RANBP2: variants seen among roughly 807,000 people sequenced by gnomAD.
RANBP2 encodes the protein E3 SUMO-protein ligase RanBP2.
Under a neutral mutation model 303.6 loss-of-function variants are expected in RANBP2, and 57 were observed. The observed-to-expected ratio is 0.19, with a 90% CI of 0.15 to 0.23. The LOEUF (loss-of-function observed/expected upper bound fraction) is 0.23. Among genes scored for constraint, RANBP2 ranks in the 10% least tolerant of loss-of-function variants. RANBP2 has a pLI of 1.00. For synonymous variants in RANBP2, 1,167 were observed against 1,301.5 expected (o/e 0.90, Z 2.23); for missense variants, 3,138 against 3,780.8 (o/e 0.83, Z 4.46).
chr2:109,222,034 T>C, the RANBP2 span, among the ~76,000 whole-genome samples: 23 of 150,552 alleles, frequency 1.5e-4, no homozygotes, highest in South Asian at 4.8e-3. Flanking sequence ...AATGAAATCA[T>C]GTCATTTGCA....
At chr2:109,505,605 G>A in the RANBP2 span, among the ~76,000 whole-genome samples, 1 of 152,216 alleles carries the variant, frequency 6.6e-6, no homozygotes, top group Non-Finnish European at 1.5e-5. Flanking sequence ...CTGTGGTAAG[G>A]AGGCCTGCTG....
chr2:109,608,004 A>G, the RANBP2 span, among the ~76,000 whole-genome samples: 1 of 152,232 alleles, frequency 6.6e-6, no homozygotes. Context: ...TGAAGCCGTG[A>G]CTCATTCAGA....
chr2:109,355,973 T>C, the RANBP2 span, among the ~76,000 whole-genome samples: 6 of 152,290 alleles, frequency 3.9e-5, no homozygotes, highest in East Asian at 1.9e-4. Context: ...TGGTCCTGCA[T>C]TGGGGGTGGA....
At chr2:109,170,247 CTCTTCTCTTCTCTTCTCTTCT>C in the RANBP2 span, among the ~76,000 whole-genome samples, 1 of 5,586 alleles carries the variant, frequency 1.8e-4, no homozygotes, top group Admixed American at 1.5e-3. Flanking sequence ...CTTTTCTTTT[CTCTTCTCTTCTCTTCTCTTCT>C]CTTCTCTTCT....
the RANBP2 span, among the ~76,000 whole-genome samples, chr2:109,557,016 T>C: frequency 2.0e-5 from 3 of 151,974 alleles, no homozygotes; most frequent in Non-Finnish European, 4.4e-5. Flanking sequence ...CACCGGAGCC[T>C]GTTGTGGGGT....
the RANBP2 span, among the ~76,000 whole-genome samples, chr2:109,290,045 TG>T: frequency 6.6e-6 from 1 of 152,208 alleles, no homozygotes; most frequent in African/African-American, 2.4e-5. Flanking sequence ...TACAGGGGGA[TG>T]CCTGGAATTC....
chr2:108,800,481 TCTTGAATTC>T, the RANBP2 span, among the ~76,000 whole-genome samples: 2 of 152,074 alleles, frequency 1.3e-5, no homozygotes, highest in Non-Finnish European at 2.9e-5. Flanking sequence ...GTCAGGCTGG[TCTTGAATTC>T]CTGACCTCAA....
chr2:108,910,285 C>T, the RANBP2 span, among the ~76,000 whole-genome samples: 1 of 152,210 alleles, frequency 6.6e-6, no homozygotes, highest in Non-Finnish European at 1.5e-5. Context: ...ACAGGCTCCT[C>T]ACACCACCTG....
chr2:109,299,677 C>T, the RANBP2 span, among the ~76,000 whole-genome samples: 1 of 152,182 alleles, frequency 6.6e-6, no homozygotes, highest in Non-Finnish European at 1.5e-5. Flanking sequence ...ACCTAAAAGC[C>T]AGTTCTGCCC....
the RANBP2 span, among the ~76,000 whole-genome samples, chr2:109,210,340 T>A: frequency 1.3e-4 from 20 of 152,350 alleles, no homozygotes; most frequent in African/African-American, 4.6e-4. Context: ...ATTTCAAGAT[T>A]TTTAATGTCA....
At chr2:108,780,009 G>C (rs1221487134) in intron 25 of RANBP2, among the ~76,000 whole-genome samples, 1 of 152,078 alleles carries the variant, frequency 6.6e-6, no homozygotes, top group Non-Finnish European at 1.5e-5. Context: ...GTGGGTACTT[G>C]AAATTTTAGA....
At chr2:109,700,131 A>G in the RANBP2 span, among the ~76,000 whole-genome samples, 22 of 152,226 alleles carry the variant, frequency 1.4e-4, no homozygotes, top group African/African-American at 5.1e-4. Context: ...GTTCTTGCCA[A>G]AAAGAAATCT....
chr2:108,904,909 C>T, the RANBP2 span, among the ~76,000 whole-genome samples: 1 of 152,048 alleles, frequency 6.6e-6, no homozygotes, highest in Non-Finnish European at 1.5e-5. Context: ...TATCAGTGTC[C>T]TGGTTGTGAC....
At chr2:108,843,886 C>CTTTTTTTTTTTTTTTTTTTTTTTTTTTTT in the RANBP2 span, among the ~76,000 whole-genome samples, 4 of 94,018 alleles carry the variant, frequency 4.3e-5, 2 homozygotes, top group Non-Finnish European at 3.8e-5. Context: ...GTGTTTCTTT[C>CTTTTTTTTTTTTTTTTTTTTTTTTTTTTT]TTTTTTTTTT....
chr2:109,542,790 A>G, the RANBP2 span, among the ~76,000 whole-genome samples: 1 of 152,262 alleles, frequency 6.6e-6, no homozygotes, highest in South Asian at 2.1e-4. Context: ...TTTAAAGTAT[A>G]CAGATAAATT....
chr2:109,565,939 G>T, the RANBP2 span: 1 of 1,245,772 alleles, frequency 8.0e-7, no homozygotes, highest in Non-Finnish European at 1.2e-6. Context: ...TGAGAGAGAA[G>T]AGAATAATTA....
chr2:109,092,900 C>T, the RANBP2 span, among the ~76,000 whole-genome samples: 3 of 152,100 alleles, frequency 2.0e-5, no homozygotes, highest in Admixed American at 6.6e-5. Context: ...CAGGATAGAA[C>T]GTGGATTTAG....
chr2:109,095,885 G>C, the RANBP2 span, among the ~76,000 whole-genome samples: 1 of 152,132 alleles, frequency 6.6e-6, no homozygotes, highest in Non-Finnish European at 1.5e-5. Flanking sequence ...AATATTAAAA[G>C]ATAATGAAAG....
chr2:108,747,571 T>C (rs552956195), intron 8 of RANBP2, among the ~76,000 whole-genome samples: 2 of 152,362 alleles, frequency 1.3e-5, no homozygotes, highest in South Asian at 4.1e-4. Flanking sequence ...AAAGTGACTT[T>C]CTACTTTTTT....
Sources: allele counts gnomAD v4.1 joint callset (sites outside exome capture counted in the v4.1 genomes callset), GRCh38; gene constraint gnomAD v4.1.1; transcripts MANE v1.5; gene names NCBI Gene and HGNC (gene_info 2026-07-23, HGNC 2026-07-21).